CDH23: variants seen among roughly 807,000 people sequenced by gnomAD.
CDH23 encodes cadherin related 23.
Under a neutral mutation model 317.1 loss-of-function variants are expected in CDH23, and 189 were observed. The observed-to-expected ratio is 0.60, with a 90% confidence interval of 0.53 to 0.67. The LOEUF (loss-of-function observed/expected upper bound fraction) is 0.67, where lower values mean the gene tolerates loss of function less well. Ranked by LOEUF, CDH23 falls within the 30% of genes least tolerant of loss-of-function variation. The pLI is 0.00. For synonymous variants in CDH23, 1,839 were observed against 1,876.8 expected (o/e 0.98, Z 0.52); for missense variants, 4,401 against 4,592.4 (o/e 0.96, Z 1.20).
At chr10:71,789,572 A>G (rs1172868840) in intron 45 of CDH23, among the ~76,000 whole-genome samples, 4 of 152,132 alleles carry the variant, frequency 2.6e-5, no homozygotes, top group African/African-American at 9.7e-5. Flanking sequence ...GCACTCCTCC[A>G]GTCTCCCCAG....
At position 71,495,714 on chromosome 10, in the gene CDH23, G is replaced by A. The variant is rs188711189; in HGVS notation, c.146-14368G>A. Among the ~76,000 whole-genome samples, 1,069 of 151,606 alleles carry A rather than the reference G, an allele frequency of 7.1e-3. 18 individuals carry two copies. Among genetic ancestry groups the A allele is most frequent in the Middle Eastern group, 0.031 (9 of 292 alleles). On this transcript the variant is annotated intron_variant, in intron 3 of 69. Transcript: ENST00000224721. The stretch of plus-strand genomic sequence containing the variant: ...ATTAGCCAGGTGCAGTGGCGCACTT[G>A]TAGTCCTAGCTACTTGGGAGGCTGA...
intron 28 of CDH23, among the ~76,000 whole-genome samples, chr10:71,721,032 C>T (rs919578567): frequency 6.6e-6 from 1 of 152,238 alleles, no homozygotes; most frequent in Admixed American, 6.5e-5. Flanking sequence ...CCTTAACTTC[C>T]TCTCCTGAAA....
chr10:71,524,011 C>G (rs1854869251), intron 6 of CDH23, among the ~76,000 whole-genome samples: 1 of 152,220 alleles, frequency 6.6e-6, no homozygotes, highest in Admixed American at 6.5e-5. Flanking sequence ...TTCATGAACT[C>G]CCAGCTTCCC....
chr10:71,485,230 T>A (rs567627576), intron 3 of CDH23, among the ~76,000 whole-genome samples: 1 of 152,216 alleles, frequency 6.6e-6, no homozygotes, highest in Admixed American at 6.5e-5. Context: ...TTTCACCGTG[T>A]TAGCCAGCAT....
chr10:71,651,859 G>T lies in CDH23; in HGVS notation c.1449+5242G>T, dbSNP rs374893574. On this transcript the variant is annotated intron_variant, in intron 14 of 69. Transcript: ENST00000224721. Reference sequence around the variant, plus strand: ...GGTACCTAGGATGTGTGAGGAGCCAGCTTGGCCTCTTGCAGCATGGGGCAC... The same window carrying T: ...GGTACCTAGGATGTGTGAGGAGCCATCTTGGCCTCTTGCAGCATGGGGCAC... 8.5e-5 allele frequency among the ~76,000 whole-genome samples: 13 copies of T among 152,224 alleles called. No individual in the cohort carries two copies. The East Asian group carries it at 1.9e-3, about 23-fold the overall frequency.
In CDH23 at chr10:71,779,447, G is replaced by A. The variant is rs1203545376; in HGVS notation, c.5368G>A (p.Gly1790Arg). The A allele has an allele frequency of 5.6e-6, 9 of 1,598,628 alleles. No individual in the cohort carries two copies. The African/African-American group carries it at 6.7e-5, about 12-fold the overall frequency. ...EYSIMDGDPL[G>R]EFVISPVEGV... Reference sequence around the variant, plus strand: ...CAGCATCATGGATGGAGACCCTCTGGGTGAGTGGGGCTTGGGGCATGCCAC... The same window carrying A: ...CAGCATCATGGATGGAGACCCTCTGAGTGAGTGGGGCTTGGGGCATGCCAC... Residue 1790 changes from glycine (G) to arginine (R), a missense_variant and splice_region_variant, in exon 41 of 70, where the codon GGG becomes AGG. This residue lies in a region of CDH23 where 3,068 missense variants were observed against 3,203.3 expected (regional missense o/e 0.96). Transcript: ENST00000224721.
intron 3 of CDH23, among the ~76,000 whole-genome samples, chr10:71,504,258 T>C (rs1412433987): frequency 6.6e-6 from 1 of 152,222 alleles, no homozygotes; most frequent in African/African-American, 2.4e-5. Context: ...TCTGTCTCTA[T>C]GAATTGGATT....
Position 71,777,624 on chromosome 10 carries a change from TCCACCTTGGTCCCTCTGG to T in CDH23, c.4846-49_4846-32del, listed in dbSNP as rs1261105565. ...CAGCCCAGGAGAACAGCCATCTGGA[TCCACCTTGGTCCCTCTGG>T]CCACCTGACCAAGGACGTGACCCAC... is the stretch of plus-strand genomic sequence containing the variant. On this transcript the variant is annotated intron_variant, in intron 38 of 69. Coordinates refer to ENST00000224721, the MANE Select transcript of CDH23 (RefSeq NM_022124.6). The T allele has an allele frequency of 7.4e-6, 11 of 1,489,508 alleles. No homozygotes were observed. The East Asian group carries it at 2.2e-4, about 30-fold the overall frequency. 92.3% of individuals were successfully genotyped at this position (1,489,508 alleles called of 1,614,324 possible).
At chr10:71,439,374 G>A (rs535272096) in intron 1 of CDH23, among the ~76,000 whole-genome samples, 1 of 152,318 alleles carries the variant, frequency 6.6e-6, no homozygotes, top group South Asian at 2.1e-4. Context: ...CAAGCCCCCT[G>A]TTAGACCGCT....
At chr10:71,687,056 T>A (rs1864934149) in intron 18 of CDH23, among the ~76,000 whole-genome samples, 1 of 152,124 alleles carries the variant, frequency 6.6e-6, no homozygotes, top group Non-Finnish European at 1.5e-5. Context: ...GGGGTGGGGC[T>A]CTAGGCCAGG....
intron 3 of CDH23, among the ~76,000 whole-genome samples, chr10:71,486,465 G>T (rs1215635339): frequency 2.0e-5 from 3 of 151,882 alleles, no homozygotes; most frequent in African/African-American, 7.3e-5. Context: ...AGGAGGCGGG[G>T]ATTATGAGGG....
At chr10:71,444,968 C>T (rs1850086037) in intron 2 of CDH23, among the ~76,000 whole-genome samples, 1 of 152,130 alleles carries the variant, frequency 6.6e-6, no homozygotes, top group Admixed American at 6.5e-5. Context: ...TACTGAAGGC[C>T]CCTAAGAGAA....
intron 38 of CDH23, among the ~76,000 whole-genome samples, chr10:71,765,846 G>A (rs1439156876): frequency 6.6e-6 from 1 of 152,132 alleles, no homozygotes; most frequent in Non-Finnish European, 1.5e-5. Flanking sequence ...CAAGCAAGAG[G>A]GCCAGACAGG....
At chr10:71,403,370 T>G (rs1312737413) in intron 1 of CDH23, among the ~76,000 whole-genome samples, 14 of 109,974 alleles carry the variant, frequency 1.3e-4, no homozygotes, top group African/African-American at 6.9e-4. Flanking sequence ...TTTCTTTCTT[T>G]CTTTCTTTCT....
At position 71,790,306 on chromosome 10, in the gene CDH23, T is replaced by C. The variant is rs1841212829; in HGVS notation, c.5942T>C (p.Leu1981Pro). The C allele has an allele frequency of 6.2e-7, 1 of 1,613,666 alleles. No homozygotes were observed. Among genetic ancestry groups the C allele is most frequent in the Admixed American group, 1.7e-5 (1 of 59,992 alleles). ...NSPAGTPLTV[L>P]NGPILALDAD... ...GGCCCAGGCACCCCTCTCACGGTGC[T>C]CAATGGGCCCATCCTGGCCCTGGAT... The change falls in exon 46 of 70, where the codon CTC (leucine) becomes CCC (proline). Residue 1981 changes from leucine to proline, a missense_variant. This residue lies in a region of CDH23 where 3,068 missense variants were observed against 3,203.3 expected (regional missense o/e 0.96). Coordinates refer to ENST00000224721, the MANE Select transcript of CDH23 (RefSeq NM_022124.6).
chr10:71,532,844 A>C (rs1855479338), intron 6 of CDH23, among the ~76,000 whole-genome samples: 1 of 150,004 alleles, frequency 6.7e-6, no homozygotes, highest in Admixed American at 6.8e-5. Flanking sequence ...ATTCTCCTGC[A>C]TCAGCCTCCC....
In CDH23 at chr10:71,512,935, G is replaced by A. The variant is rs376260817; in HGVS notation, c.429+1723G>A. Reference sequence around the variant, plus strand: ...GGAATGACAGGAGTTAGAACTAGAGGCAAGAGACCCTGGGTCCAGCCCCTG... The same window carrying A: ...GGAATGACAGGAGTTAGAACTAGAGACAAGAGACCCTGGGTCCAGCCCCTG... On this transcript the variant is annotated intron_variant, in intron 6 of 69. Coordinates refer to ENST00000224721, the MANE Select transcript of CDH23 (RefSeq NM_022124.6). Among the ~76,000 whole-genome samples, 32 of 152,342 alleles carry A rather than the reference G, an allele frequency of 2.1e-4. No individual in the cohort carries two copies. In the East Asian group the frequency reaches 6.0e-3, roughly 28 times the overall value.
intron 30 of CDH23, 140 bp downstream of exon 30, chr10:71,725,660 G>T: frequency 1.9e-6 from 2 of 1,038,958 alleles, no homozygotes; most frequent in South Asian, 3.3e-5. Context: ...GGGCCTAAGG[G>T]TTCGGTGACA....
At chr10:71,668,469 A>G (rs115645943) in intron 14 of CDH23, among the ~76,000 whole-genome samples, 2,470 of 152,304 alleles carry the variant, frequency 0.016, 70 homozygotes, top group African/African-American at 0.057. Context: ...TCTTAAGAGC[A>G]CACGCCTTGG....
Sources: allele counts gnomAD v4.1 joint callset (sites outside exome capture counted in the v4.1 genomes callset), GRCh38; gene constraint gnomAD v4.1.1; regional missense constraint gnomAD v4.1.1; transcripts MANE v1.5; gene names NCBI Gene and HGNC (gene_info 2026-07-23, HGNC 2026-07-21).